The following CNTNAP2 variants were observed in gnomAD, a reference collection of about 807,000 sequenced individuals.
CNTNAP2 encodes contactin-associated protein-like 2.
In CNTNAP2, 98 loss-of-function variants were observed where a neutral mutation model predicts 155.2. That is an observed-to-expected ratio of 0.63 (90% confidence interval 0.54 to 0.75). The LOEUF is 0.75. Among genes scored for constraint, CNTNAP2 ranks in the 30% least tolerant of loss-of-function variants. The probability of loss-of-function intolerance (pLI) is 0.00; values close to 1 mark genes in which losing one functional copy is unlikely to be tolerated. For synonymous variants in CNTNAP2, 651 were observed against 631.2 expected, an observed-to-expected ratio of 1.03 and a Z score of -0.47; for missense variants, 1,727 against 1,688.1, an observed-to-expected ratio of 1.02 and a Z score of -0.40.
chr7:147,340,498 C>T (rs192881796), intron 9 of CNTNAP2, among the ~76,000 whole-genome samples: 5 of 152,212 alleles, frequency 3.3e-5, no homozygotes, highest in Admixed American at 3.3e-4. Context: ...CTTCTAGATG[C>T]TACATTTGCA....
At chr7:148,233,436 TA>T (rs1389617134) in intron 20 of CNTNAP2, among the ~76,000 whole-genome samples, 2 of 152,198 alleles carry the variant, frequency 1.3e-5, no homozygotes, top group Admixed American at 1.3e-4. Flanking sequence ...CACAAGGTCT[TA>T]CCACTTGGAT....
In CNTNAP2 at chr7:148,374,494, C is replaced by T. The variant is rs113315274; in HGVS notation, c.3476-9155C>T. ...CAAATGACCCTCTGCTAGTCTTGGC[C>T]GGCATACCTACCAGTGGCTTGGAGA... On this transcript the variant is annotated intron_variant, in intron 21 of 23. Coordinates refer to ENST00000361727, the MANE Select transcript of CNTNAP2 (RefSeq NM_014141.6). Among the ~76,000 whole-genome samples, 815 of 152,186 alleles carry T rather than the reference C, an allele frequency of 5.4e-3. 6 individuals are homozygous for T. Among genetic ancestry groups the T allele is most frequent in the African/African-American group, 0.018 (747 of 41,518 alleles).
At chr7:147,961,136 C>T (rs1315357247) in intron 14 of CNTNAP2, among the ~76,000 whole-genome samples, 1 of 152,062 alleles carries the variant, frequency 6.6e-6, no homozygotes, top group Non-Finnish European at 1.5e-5. Flanking sequence ...CTACCTGGCT[C>T]CTTTTTCATC....
Position 146,901,585 on chromosome 7 carries a change from C to A in CNTNAP2, c.402+61681C>A, listed in dbSNP as rs545317553. 2.6e-5 allele frequency among the ~76,000 whole-genome samples: 4 copies of A among 152,238 alleles called. No homozygotes were observed. In the East Asian group the frequency reaches 7.7e-4, roughly 29 times the overall value. ...TAAACAGAATCACTTTCTAAAATTTCATCTCTGTTCTAGATTCCTTATGGA... is the reference window on the plus strand; with the variant it reads ...TAAACAGAATCACTTTCTAAAATTTAATCTCTGTTCTAGATTCCTTATGGA... On this transcript the variant is annotated intron_variant, in intron 3 of 23. Coordinates refer to ENST00000361727, the MANE Select transcript of CNTNAP2 (RefSeq NM_014141.6).
At chr7:146,997,071 T>G (rs754975092) in intron 3 of CNTNAP2, among the ~76,000 whole-genome samples, 6 of 152,078 alleles carry the variant, frequency 3.9e-5, no homozygotes, top group Non-Finnish European at 7.4e-5. Flanking sequence ...AAACCTCTTT[T>G]TCTTTATAAA....
intron 14 of CNTNAP2, among the ~76,000 whole-genome samples, chr7:147,920,805 C>CTTTTTTTTTTTTTT (rs1219556681): frequency 9.9e-6 from 1 of 100,650 alleles, no homozygotes; most frequent in African/African-American, 4.1e-5. Context: ...CTGCTCCTGT[C>CTTTTTTTTTTTTTT]TTTTTTTTTT....
At chr7:148,130,552 A>T (rs896715821) in intron 16 of CNTNAP2, among the ~76,000 whole-genome samples, 1 of 152,162 alleles carries the variant, frequency 6.6e-6, no homozygotes, top group Non-Finnish European at 1.5e-5. Context: ...GACCACCATG[A>T]TTCCCCCTGT....
At chr7:148,118,323 C>A (rs1282470819) in intron 16 of CNTNAP2, 35 bp downstream of exon 16, 3 of 1,611,614 alleles carry the variant, frequency 1.9e-6, no homozygotes, top group Non-Finnish European at 2.5e-6. Flanking sequence ...CATGGGGAGC[C>A]ACTTTCGTCA....
At chr7:148,123,968 G>A (rs1303920456) in intron 16 of CNTNAP2, among the ~76,000 whole-genome samples, 2 of 152,230 alleles carry the variant, frequency 1.3e-5, no homozygotes, top group African/African-American at 2.4e-5. Context: ...TCACTAGGGT[G>A]AGTGGAAGTG....
intron 3 of CNTNAP2, among the ~76,000 whole-genome samples, chr7:146,984,481 T>C (rs1335211145): frequency 6.6e-6 from 1 of 152,184 alleles, no homozygotes; most frequent in Admixed American, 6.5e-5. Context: ...TTCTGTTTTT[T>C]ATTCTTTGTT....
intron 3 of CNTNAP2, among the ~76,000 whole-genome samples, chr7:146,997,276 T>C (rs569848207): frequency 6.6e-6 from 1 of 152,264 alleles, no homozygotes; most frequent in African/African-American, 2.4e-5. Context: ...GTTTTTATGA[T>C]GAATGCATGT....
At chr7:146,729,875 GT>G (rs1801494916) in intron 1 of CNTNAP2, among the ~76,000 whole-genome samples, 1 of 152,130 alleles carries the variant, frequency 6.6e-6, no homozygotes. Context: ...CAGTTACATA[GT>G]TTTTAAAAGG....
intron 10 of CNTNAP2, among the ~76,000 whole-genome samples, chr7:147,478,498 A>G (rs934436441): frequency 2.0e-5 from 3 of 152,140 alleles, no homozygotes; most frequent in Non-Finnish European, 4.4e-5. Flanking sequence ...GGCTTAAAAC[A>G]TCCAGAATTA....
intron 10 of CNTNAP2, among the ~76,000 whole-genome samples, chr7:147,426,169 C>G (rs1797374451): frequency 6.7e-6 from 1 of 150,324 alleles, no homozygotes; most frequent in Admixed American, 6.6e-5. Context: ...TACCTTTAAG[C>G]TGGCCAAATG....
At chr7:146,811,966 G>T (rs1238118090) in intron 2 of CNTNAP2, among the ~76,000 whole-genome samples, 1 of 152,146 alleles carries the variant, frequency 6.6e-6, no homozygotes, top group Non-Finnish European at 1.5e-5. Flanking sequence ...GTGGAACTGT[G>T]AGGCAATTAA....
rs1798843989 is a variant in CNTNAP2 at position 146,200,528 on chromosome 7, A to ACG, written c.97+83556_97+83557insGC. On this transcript the variant is annotated intron_variant, in intron 1 of 23. Coordinates refer to ENST00000361727, the MANE Select transcript of CNTNAP2 (RefSeq NM_014141.6). ...TATATATACACACACACAGACACAC[A>ACG]CACACACACACACATATATATACTG... 8.3e-5 allele frequency among the ~76,000 whole-genome samples: 5 copies of ACG among 59,944 alleles called. No homozygotes were observed. The South Asian group carries it at 4.1e-3, about 50-fold the overall frequency. The allele number at this position is 59,944 out of a possible 152,430, so 39.3% of individuals were successfully genotyped here.
intron 10 of CNTNAP2, among the ~76,000 whole-genome samples, chr7:147,445,565 A>T (rs945896590): frequency 2.6e-5 from 4 of 152,180 alleles, no homozygotes; most frequent in African/African-American, 9.7e-5. Context: ...GTGTTAGAAC[A>T]CTGCTTGACA....
At chr7:147,531,102 T>C (rs1484699297) in intron 11 of CNTNAP2, among the ~76,000 whole-genome samples, 1 of 152,208 alleles carries the variant, frequency 6.6e-6, no homozygotes, top group African/African-American at 2.4e-5. Context: ...TCCCATGGTC[T>C]TGGGCAACTC....
intron 8 of CNTNAP2, among the ~76,000 whole-genome samples, chr7:147,240,466 C>G (rs538361913): frequency 2.0e-5 from 3 of 152,160 alleles, no homozygotes; most frequent in Admixed American, 2.0e-4. Context: ...AACAAAACAA[C>G]TTTATTTCCT....
Sources: gnomAD v4.1 joint callset for allele counts (sites outside exome capture counted in the v4.1 genomes callset) on GRCh38, gnomAD v4.1.1 for gene constraint, MANE v1.5 for transcripts, NCBI Gene and HGNC (gene_info 2026-07-23, HGNC 2026-07-21) for gene names.